FHIT: variants seen among roughly 807,000 people sequenced by gnomAD.
FHIT encodes bis(5'-adenosyl)-triphosphatase.
FHIT carries 19 observed loss-of-function variants against 17.9 expected under a neutral mutation model. That is an observed-to-expected ratio of 1.06 (90% CI 0.74 to 1.56). The LOEUF (loss-of-function observed/expected upper bound fraction) is 1.56. Among genes scored for constraint, FHIT ranks in the 40% most tolerant of loss-of-function variants. FHIT has a pLI of 0.00. For synonymous variants in FHIT, 81 were observed against 69.7 expected, an observed-to-expected ratio of 1.16 and a Z score of -0.81; for missense variants, 248 against 189.2, an observed-to-expected ratio of 1.31 and a Z score of -1.82.
chr3:60,451,711 A>G (rs553811764), intron 5 of FHIT, among the ~76,000 whole-genome samples: 34 of 152,324 alleles, frequency 2.2e-4, no homozygotes, highest in African/African-American at 8.2e-4. Flanking sequence ...CTTTTTTAGA[A>G]AAAACATTAA....
intron 5 of FHIT, among the ~76,000 whole-genome samples, chr3:60,147,254 ACT>A (rs1298010347): frequency 7.2e-5 from 11 of 152,324 alleles, no homozygotes; most frequent in Admixed American, 2.0e-4. Context: ...GATGCTTTGA[ACT>A]CTCTGTCTTT....
At chr3:60,439,617 C>T (rs1176632329) in intron 5 of FHIT, among the ~76,000 whole-genome samples, 1 of 152,066 alleles carries the variant, frequency 6.6e-6, no homozygotes, top group East Asian at 1.9e-4. Context: ...CATCTCCCTT[C>T]TGATACTCCT....
At chr3:60,461,710 C>G (rs1330678080) in intron 5 of FHIT, among the ~76,000 whole-genome samples, 2 of 152,152 alleles carry the variant, frequency 1.3e-5, no homozygotes, top group East Asian at 1.9e-4. Context: ...AAGTTGGTCT[C>G]TCACCCAATA....
chr3:59,821,556 C>T (rs1700789434), intron 8 of FHIT, among the ~76,000 whole-genome samples: 1 of 152,154 alleles, frequency 6.6e-6, no homozygotes, highest in South Asian at 2.1e-4. Context: ...CTCTGCCTTG[C>T]AGAGTTCTCC....
intron 4 of FHIT, among the ~76,000 whole-genome samples, chr3:60,756,967 T>C (rs1553718431): frequency 6.6e-6 from 1 of 152,068 alleles, no homozygotes; most frequent in African/African-American, 2.4e-5. Context: ...TTTGTTAGCT[T>C]AATTTTTGTT....
chr3:59,994,292 TA>T (rs1334610012), intron 7 of FHIT, among the ~76,000 whole-genome samples: 1 of 152,052 alleles, frequency 6.6e-6, no homozygotes, highest in Non-Finnish European at 1.5e-5. Context: ...ACATTTATTG[TA>T]AAAAGCAGGT....
chr3:61,229,172 TTGAGA>T (rs1251058430), intron 1 of FHIT, among the ~76,000 whole-genome samples: 1 of 152,180 alleles, frequency 6.6e-6, no homozygotes, highest in Non-Finnish European at 1.5e-5. Context: ...ATTAAGAATC[TTGAGA>T]TGAGATCATA....
chr3:60,041,985 AT>A (rs1282798747), intron 5 of FHIT, among the ~76,000 whole-genome samples: 1 of 152,242 alleles, frequency 6.6e-6, no homozygotes, highest in Non-Finnish European at 1.5e-5. Flanking sequence ...GAAGTATACA[AT>A]AAAAAAATAA....
chr3:60,304,008 C>T lies in FHIT; in HGVS notation c.103+232852G>A, dbSNP rs1204128297. Among the ~76,000 whole-genome samples, 5 of 152,152 alleles carry T rather than the reference C, an allele frequency of 3.3e-5. No homozygotes were observed. The East Asian group carries it at 7.7e-4, about 24-fold the overall frequency. ...AATTCTTGTACCCTTGCACAGCTTG[C>T]TTTCATTTTGATGACTACTAATTGT... On this transcript the variant is annotated intron_variant, in intron 5 of 9. Transcript: ENST00000492590.
At chr3:61,006,902 AAAG>A (rs1245195662) in intron 3 of FHIT, among the ~76,000 whole-genome samples, 6 of 152,242 alleles carry the variant, frequency 3.9e-5, no homozygotes, top group African/African-American at 1.4e-4. Context: ...TTTCGATTGG[AAAG>A]AAGGAGGGGA....
intron 4 of FHIT, among the ~76,000 whole-genome samples, chr3:60,612,667 A>C (rs17624439): frequency 0.28 from 43,169 of 152,108 alleles, 6,348 homozygotes; most frequent in Non-Finnish European, 0.31. Flanking sequence ...CAGAATTTTT[A>C]AAAGAAGGGA....
intron 4 of FHIT, among the ~76,000 whole-genome samples, chr3:60,695,649 T>A (rs1261577856): frequency 2.0e-5 from 3 of 152,148 alleles, no homozygotes. Context: ...GCAGAGTGCC[T>A]AATCCCTAAC....
At chr3:60,950,434 T>G (rs1708826112) in intron 3 of FHIT, among the ~76,000 whole-genome samples, 1 of 152,158 alleles carries the variant, frequency 6.6e-6, no homozygotes, top group Non-Finnish European at 1.5e-5. Flanking sequence ...TGGGAATTGT[T>G]CTATAAAATA....
intron 5 of FHIT, among the ~76,000 whole-genome samples, chr3:60,158,111 A>G (rs4679641): frequency 0.78 from 118,619 of 152,064 alleles, 46,982 homozygotes; most frequent in African/African-American, 0.88. Context: ...GATAAGGAAC[A>G]AAAGAAGAAA....
intron 5 of FHIT, among the ~76,000 whole-genome samples, chr3:60,453,907 C>G (rs1239081559): frequency 6.6e-6 from 1 of 152,024 alleles, no homozygotes; most frequent in East Asian, 1.9e-4. Flanking sequence ...TCCGAACAGA[C>G]AAAAGTTTCA....
intron 1 of FHIT, among the ~76,000 whole-genome samples, chr3:61,203,179 CAAAAAA>C (rs397876939): frequency 1.2e-5 from 1 of 86,370 alleles, no homozygotes; most frequent in Admixed American, 1.5e-4. Flanking sequence ...GACTCCGTCT[CAAAAAA>C]AAAAAAAAAA....
intron 5 of FHIT, among the ~76,000 whole-genome samples, chr3:60,492,585 C>A (rs1384688205): frequency 6.6e-6 from 1 of 150,602 alleles, no homozygotes; most frequent in Non-Finnish European, 1.5e-5. Flanking sequence ...CGGCTCACTG[C>A]AACCGCCACC....
chr3:60,825,399 T>C (rs1702077212), intron 3 of FHIT, among the ~76,000 whole-genome samples: 1 of 152,208 alleles, frequency 6.6e-6, no homozygotes, highest in Non-Finnish European at 1.5e-5. Flanking sequence ...GTTTCATAAA[T>C]GTCATGGGCA....
intron 8 of FHIT, among the ~76,000 whole-genome samples, chr3:59,902,998 A>G (rs980428989): frequency 4.6e-5 from 7 of 152,240 alleles, no homozygotes; most frequent in African/African-American, 1.7e-4. Context: ...TATGTTAATT[A>G]GCTTGGTTGT....
Sources: gnomAD v4.1 joint callset for allele counts (sites outside exome capture counted in the v4.1 genomes callset) on GRCh38, gnomAD v4.1.1 for gene constraint, MANE v1.5 for transcripts, NCBI Gene and HGNC (gene_info 2026-07-23, HGNC 2026-07-21) for gene names.